The following PLEKHA7 variants were observed in gnomAD, a reference collection of about 807,000 sequenced individuals.
PLEKHA7 encodes pleckstrin homology domain containing A7, also known as pleckstrin homology domain-containing family A member 7.
In PLEKHA7, 104 loss-of-function variants were observed where a neutral mutation model predicts 170.0. The observed-to-expected ratio is 0.61, with a 90% CI of 0.52 to 0.72. The LOEUF (loss-of-function observed/expected upper bound fraction) is 0.72, where lower values mean the gene tolerates loss of function less well. PLEKHA7 is among the 30% of genes least tolerant of loss of function. The pLI is 0.00. For missense variants in PLEKHA7, 1,615 were observed against 1,671.7 expected (o/e 0.97, Z 0.59); for synonymous variants, 648 against 660.8 (o/e 0.98, Z 0.30).
chr11:16,791,571 A>G lies in PLEKHA7; in HGVS notation c.2746-372T>C. On this transcript the variant is annotated intron_variant, in intron 19 of 26. Coordinates refer to ENST00000531066, the MANE Select transcript of PLEKHA7 (RefSeq NM_001329630.2). The surrounding 1 kb of genome is among the most constrained non-coding windows in gnomAD (Gnocchi z 4.5). ...TAACCCTGCCCTGACTTCCATGCTT[A>G]TCACAGCACCACCTACCTGGAGAGT... 2.1e-6 allele frequency: 1 copy of G among 480,900 alleles called. No homozygotes were observed. Among genetic ancestry groups the G allele is most frequent in the Non-Finnish European group, 4.1e-6 (1 of 243,328 alleles). The allele number at this position is 480,900 out of a possible 1,614,324, so 29.8% of individuals were successfully genotyped here. A position where few individuals can be genotyped will look rare whatever the true frequency, so the allele number is the denominator to read the frequency against.
intron 3 of PLEKHA7, among the ~76,000 whole-genome samples, chr11:16,979,945 T>A (rs537229515): frequency 6.6e-6 from 1 of 151,758 alleles, no homozygotes; most frequent in Non-Finnish European, 1.5e-5. Flanking sequence ...CCACAAGGAG[T>A]GGCCACACTG....
At chr11:16,855,309 TG>T (rs1287439963) in intron 5 of PLEKHA7, among the ~76,000 whole-genome samples, 2 of 152,212 alleles carry the variant, frequency 1.3e-5, no homozygotes, top group African/African-American at 4.8e-5. Flanking sequence ...AGCTAATTTT[TG>T]GTCACAGCTT....
chr11:16,829,105 GT>G (rs1850899495), intron 9 of PLEKHA7, among the ~76,000 whole-genome samples: 1 of 151,426 alleles, frequency 6.6e-6, no homozygotes, highest in African/African-American at 2.4e-5. Flanking sequence ...CTGGGCTCAA[GT>G]GATCCTCCCA....
intron 3 of PLEKHA7, among the ~76,000 whole-genome samples, chr11:16,918,725 G>A (rs1324441267): frequency 2.0e-5 from 3 of 152,094 alleles, no homozygotes; most frequent in South Asian, 2.1e-4. Flanking sequence ...TGCTCACACC[G>A]CCTCTGTAAT....
At chr11:16,897,297 G>T (rs185998041) in intron 3 of PLEKHA7, among the ~76,000 whole-genome samples, 1 of 152,288 alleles carries the variant, frequency 6.6e-6, no homozygotes, top group East Asian at 1.9e-4. Flanking sequence ...CCAGGTGGGG[G>T]CGAGAGACGT....
At chr11:16,781,921 C>T (rs143373204) in intron 26 of PLEKHA7, among the ~76,000 whole-genome samples, 20 of 152,242 alleles carry the variant, frequency 1.3e-4, no homozygotes, top group Non-Finnish European at 2.8e-4. Context: ...GCCAGGAGCA[C>T]CACCCAGACA....
In PLEKHA7 at chr11:16,857,762, G is replaced by A. The variant is rs779664114; in HGVS notation, c.306-1848C>T. ...GAGATGGAGTTTCGCTCTGTCGCCCGGGCTGGAGCGCAGTGGCGCGATCTC... is the reference window on the plus strand; with the variant it reads ...GAGATGGAGTTTCGCTCTGTCGCCCAGGCTGGAGCGCAGTGGCGCGATCTC... On this transcript the variant is annotated intron_variant, in intron 4 of 26. Coordinates refer to ENST00000531066, the MANE Select transcript of PLEKHA7 (RefSeq NM_001329630.2). 2.6e-5 allele frequency among the ~76,000 whole-genome samples: 4 copies of A among 152,180 alleles called. No homozygotes were observed. The South Asian group carries it at 6.2e-4, about 24-fold the overall frequency.
intron 3 of PLEKHA7, among the ~76,000 whole-genome samples, chr11:16,962,627 A>T (rs936362997): frequency 1.3e-5 from 2 of 152,054 alleles, no homozygotes; most frequent in Admixed American, 6.6e-5. Context: ...TGCCCAGCTA[A>T]TTTTTATATT....
intron 3 of PLEKHA7, among the ~76,000 whole-genome samples, chr11:16,968,500 G>A (rs1862511578): frequency 6.6e-6 from 1 of 152,196 alleles, no homozygotes; most frequent in Admixed American, 6.5e-5. Flanking sequence ...GGATGCTGTT[G>A]TCCAACTGTT....
At chr11:16,983,100 G>T (rs1443060371) in intron 3 of PLEKHA7, among the ~76,000 whole-genome samples, 9 of 152,178 alleles carry the variant, frequency 5.9e-5, no homozygotes, top group Non-Finnish European at 1.3e-4. Flanking sequence ...GTAAACCTTT[G>T]CTTCATGGAG....
chr11:16,810,319 T>G (rs1038480185), intron 13 of PLEKHA7, among the ~76,000 whole-genome samples: 1 of 152,216 alleles, frequency 6.6e-6, no homozygotes, highest in African/African-American at 2.4e-5. Context: ...CTTGGAACCC[T>G]AAACCCAAGC....
chr11:16,910,177 T>C (rs903065929), intron 3 of PLEKHA7, among the ~76,000 whole-genome samples: 2 of 152,230 alleles, frequency 1.3e-5, no homozygotes, highest in African/African-American at 4.8e-5. Context: ...ATATGAGTAA[T>C]GTTTTATAAA....
intron 13 of PLEKHA7, 189 bp from the exon 14 acceptor site, chr11:16,803,484 C>A (rs1037002471): frequency 8.5e-6 from 5 of 586,834 alleles, no homozygotes; most frequent in African/African-American, 1.9e-5. Flanking sequence ...AGGAAAAAAC[C>A]AAAACCTTTT....
At chr11:16,790,513 T>C (rs1190482798) in intron 21 of PLEKHA7, 3 of 350,012 alleles carry the variant, frequency 8.6e-6, no homozygotes, top group Non-Finnish European at 1.6e-5. Flanking sequence ...CATAGGATTG[T>C]TGTGAATATC....
At chr11:16,965,552 A>G (rs1270073289) in intron 3 of PLEKHA7, among the ~76,000 whole-genome samples, 1 of 152,132 alleles carries the variant, frequency 6.6e-6, no homozygotes, top group Non-Finnish European at 1.5e-5. Context: ...GCATCTGTAG[A>G]CAGAGATGCA....
intron 3 of PLEKHA7, among the ~76,000 whole-genome samples, chr11:16,988,413 CTTCCTTCT>C (rs1164232623): frequency 7.2e-5 from 11 of 152,070 alleles, no homozygotes; most frequent in African/African-American, 1.4e-4. Flanking sequence ...TCCTGCCTTC[CTTCCTTCT>C]TTCCTTCTTT....
At chr11:16,834,848 G>C (rs1219541468) in intron 9 of PLEKHA7, among the ~76,000 whole-genome samples, 1 of 152,144 alleles carries the variant, frequency 6.6e-6, no homozygotes, top group Non-Finnish European at 1.5e-5. Context: ...GGGGGGGCGG[G>C]GGCAGAGAGC....
At chr11:16,808,870 G>A (rs758560260) in intron 13 of PLEKHA7, among the ~76,000 whole-genome samples, 19 of 152,166 alleles carry the variant, frequency 1.2e-4, no homozygotes, top group Non-Finnish European at 1.9e-4. Context: ...TGGGCAAAGC[G>A]TGTGATGCAT....
chr11:16,878,512 C>A (rs1391416444), intron 3 of PLEKHA7, among the ~76,000 whole-genome samples: 1 of 152,208 alleles, frequency 6.6e-6, no homozygotes, highest in Non-Finnish European at 1.5e-5. Flanking sequence ...GCTGGCCCAG[C>A]CACACTGGCC....
Sources: gnomAD v4.1 joint callset for allele counts (sites outside exome capture counted in the v4.1 genomes callset) on GRCh38, gnomAD v4.1.1 for gene constraint, Gnocchi (gnomAD v3.1) non-coding constraint, MANE v1.5 for transcripts, NCBI Gene and HGNC (gene_info 2026-07-23, HGNC 2026-07-21) for gene names.